PHACTR3: variants seen among roughly 807,000 people sequenced by gnomAD.
PHACTR3 encodes protein phosphatase 1, regulatory subunit 123.
Under a neutral mutation model 66.8 loss-of-function variants are expected in PHACTR3, and 16 were observed. That is an observed-to-expected ratio of 0.24 (90% CI 0.16 to 0.36). PHACTR3 has a LOEUF of 0.36. PHACTR3 is among the 10% of genes least tolerant of loss of function. The probability of loss-of-function intolerance (pLI) is 1.00; values close to 1 mark genes in which losing one functional copy is unlikely to be tolerated. For missense variants in PHACTR3, 647 were observed against 719.9 expected, an observed-to-expected ratio of 0.90 and a Z score of 1.16; for synonymous variants, 323 against 292.1, an observed-to-expected ratio of 1.11 and a Z score of -1.08.
At chr20:59,600,820 T>C (rs965387845), upstream of PHACTR3, among the ~76,000 whole-genome samples, 2 of 152,130 alleles carry the variant, frequency 1.3e-5, no homozygotes, top group Non-Finnish European at 2.9e-5. Context: ...GGTCCTTCGA[T>C]GAGCTTCTAT....
intron 1 of PHACTR3, among the ~76,000 whole-genome samples, chr20:59,701,906 G>C (rs922550823): frequency 1.1e-4 from 17 of 152,184 alleles, no homozygotes; most frequent in African/African-American, 3.6e-4. Flanking sequence ...AGATCTTTTG[G>C]TTGTCACTAT....
intron 1 of PHACTR3, among the ~76,000 whole-genome samples, chr20:59,691,717 A>C (rs1435674078): frequency 6.6e-6 from 1 of 152,072 alleles, no homozygotes; most frequent in East Asian, 1.9e-4. Flanking sequence ...GTTGTGTAAG[A>C]ATTACAGAAT....
At chr20:59,777,127 A>C (rs547869441) in intron 7 of PHACTR3, among the ~76,000 whole-genome samples, 5 of 152,170 alleles carry the variant, frequency 3.3e-5, no homozygotes, top group South Asian at 2.1e-4. Context: ...TTGGCCTGAG[A>C]ATCCCAGCCC....
intron 1 of PHACTR3, among the ~76,000 whole-genome samples, chr20:59,635,105 T>G (rs866018699): frequency 1.9e-5 from 1 of 52,914 alleles, no homozygotes; most frequent in Non-Finnish European, 3.8e-5. Context: ...TTCTCTCTCT[T>G]TCTTTCTTTC....
chr20:59,708,978 G>T (rs1284921651), intron 1 of PHACTR3, among the ~76,000 whole-genome samples: 1 of 152,126 alleles, frequency 6.6e-6, no homozygotes, highest in Non-Finnish European at 1.5e-5. Flanking sequence ...GTCTTCATTG[G>T]CCTTCTTCAT....
chr20:59,618,010 C>T lies in PHACTR3; in HGVS notation c.118+12878C>T, dbSNP rs148522400. On this transcript the variant is annotated intron_variant, in intron 1 of 12. Transcript: ENST00000371015. ...GTGGGGAGGCTGCCCTGGAGCCCTG[C>T]GGGCTTGTGGAGGGGTTGGCATATC... Among the ~76,000 whole-genome samples the T allele has an allele frequency of 5.3e-3, 811 of 152,228 alleles. 5 individuals are homozygous for T. Among genetic ancestry groups the T allele is most frequent in the African/African-American group, 0.018 (751 of 41,544 alleles).
intron 1 of PHACTR3, among the ~76,000 whole-genome samples, chr20:59,694,675 A>G (rs542388293): frequency 1.6e-4 from 25 of 152,256 alleles, no homozygotes; most frequent in African/African-American, 5.8e-4. Context: ...TGATGGAGTA[A>G]TAGTAGCACC....
intron 1 of PHACTR3, among the ~76,000 whole-genome samples, chr20:59,703,008 C>CA (rs1296945050): frequency 1.3e-5 from 2 of 152,180 alleles, no homozygotes; most frequent in Admixed American, 1.3e-4. Context: ...TCAAAGAGAT[C>CA]CTCTTTTAAA....
chr20:59,819,715 A>G (rs1324564120), intron 8 of PHACTR3, among the ~76,000 whole-genome samples: 1 of 151,498 alleles, frequency 6.6e-6, no homozygotes, highest in East Asian at 2.0e-4. Context: ...CTGTCCCAGT[A>G]CTGGCCACCC....
At chr20:59,598,250 G>A (rs778950100) in intron 1 of PHACTR3, among the ~76,000 whole-genome samples, 5 of 152,228 alleles carry the variant, frequency 3.3e-5, no homozygotes, top group Non-Finnish European at 7.3e-5. Context: ...CTGGGGGCAC[G>A]GAAGGAGAAT....
At chr20:59,762,450 C>T (rs959198755) in intron 4 of PHACTR3, among the ~76,000 whole-genome samples, 10 of 152,242 alleles carry the variant, frequency 6.6e-5, no homozygotes, top group Non-Finnish European at 1.0e-4. Flanking sequence ...TTGTTTTTCA[C>T]TCCAGCCGCT....
At chr20:59,642,510 A>G (rs760335232) in intron 1 of PHACTR3, among the ~76,000 whole-genome samples, 2 of 140,162 alleles carry the variant, frequency 1.4e-5, no homozygotes, top group South Asian at 4.3e-4. Flanking sequence ...GGGATTGTTC[A>G]GCCTATATCC....
upstream of PHACTR3, among the ~76,000 whole-genome samples, chr20:59,602,768 C>T (rs1388407182): frequency 2.0e-5 from 3 of 152,144 alleles, no homozygotes; most frequent in Admixed American, 1.3e-4. Context: ...GGAAGGGGCC[C>T]AAGGCATGGT....
At position 59,628,607 on chromosome 20, in the gene PHACTR3, A is replaced by G. The variant is rs2146385500; in HGVS notation, c.118+23475A>G. 4 of 985,396 alleles carry G rather than the reference A, an allele frequency of 4.1e-6. No homozygotes were observed. The East Asian group carries it at 3.4e-4, about 84-fold the overall frequency. The allele number at this position is 985,396 out of a possible 1,614,324, so 61.0% of individuals were successfully genotyped here. A position where few individuals can be genotyped will look rare whatever the true frequency, so the allele number is the denominator to read the frequency against. ...CCCCGAGTTCTGTTTGACAAAATTCACAAAAACACAAAGAAACAAAAAGTA... is the reference window on the plus strand; with the variant it reads ...CCCCGAGTTCTGTTTGACAAAATTCGCAAAAACACAAAGAAACAAAAAGTA... On this transcript the variant is annotated intron_variant, in intron 1 of 12. Coordinates refer to ENST00000371015, the MANE Select transcript of PHACTR3 (RefSeq NM_080672.5).
chr20:59,735,977 G>T (rs2038932344), intron 1 of PHACTR3, among the ~76,000 whole-genome samples: 1 of 152,120 alleles, frequency 6.6e-6, no homozygotes, highest in African/African-American at 2.4e-5. Flanking sequence ...CTGTGTGGCT[G>T]TTGATGGGGG....
chr20:59,794,349 T>A (rs1043598117), intron 7 of PHACTR3, among the ~76,000 whole-genome samples: 1 of 152,210 alleles, frequency 6.6e-6, no homozygotes, highest in Non-Finnish European at 1.5e-5. Context: ...ATTTAACATA[T>A]TAATTTTTAC....
At chr20:59,577,748 C>A (rs1250978590) in intron 1 of PHACTR3, 3 of 544,616 alleles carry the variant, frequency 5.5e-6, no homozygotes, top group East Asian at 5.2e-5. Flanking sequence ...AGGCCCGCTG[C>A]GCCCCCAGCC....
In PHACTR3 at chr20:59,820,266, G is replaced by T. The variant is rs983197386; in HGVS notation, c.1328+14072G>T. Among the ~76,000 whole-genome samples the T allele has an allele frequency of 3.3e-5, 5 of 152,216 alleles. No individual in the cohort carries two copies. Among genetic ancestry groups the T allele is most frequent in the African/African-American group, 1.2e-4 (5 of 41,460 alleles). On this transcript the variant is annotated intron_variant, in intron 8 of 12. Transcript: ENST00000371015. This position sits in a 1 kb window ranked among gnomAD's most constrained non-coding sequence, Gnocchi z 4.6. ...TGCAAAAATGCGAAGGAGCTCACGA[G>T]GCAGTGCTGTGAGCAGGCTCTGTGT...
intron 1 of PHACTR3, among the ~76,000 whole-genome samples, chr20:59,725,952 G>T (rs376689338): frequency 6.6e-6 from 1 of 152,146 alleles, no homozygotes; most frequent in African/African-American, 2.4e-5. Flanking sequence ...GACAGTATCC[G>T]CTTGGGGTCA....
Sources: gnomAD v4.1 joint callset for allele counts (sites outside exome capture counted in the v4.1 genomes callset) on GRCh38, gnomAD v4.1.1 for gene constraint, Gnocchi (gnomAD v3.1) non-coding constraint, MANE v1.5 for transcripts, NCBI Gene and HGNC (gene_info 2026-07-23, HGNC 2026-07-21) for gene names.